The following EPHA6 variants were observed in gnomAD, a reference collection of about 807,000 sequenced individuals.
EPHA6 encodes EPH receptor A6.
Under a neutral mutation model 112.0 loss-of-function variants are expected in EPHA6, and 50 were observed. The observed-to-expected ratio is 0.45, with a 90% CI of 0.36 to 0.56. The LOEUF is 0.56. Ranked by LOEUF, EPHA6 falls within the 20% of genes least tolerant of loss-of-function variation. The pLI is 0.00. For missense variants in EPHA6, 1,280 were observed against 1,417.4 expected (o/e 0.90, Z 1.56); for synonymous variants, 529 against 490.7 (o/e 1.08, Z -1.03).
At chr3:97,707,762 G>T (rs748065786) in intron 14 of EPHA6, among the ~76,000 whole-genome samples, 1 of 152,120 alleles carries the variant, frequency 6.6e-6, no homozygotes. Flanking sequence ...TGGATCATGG[G>T]ACCAGTTTCC....
chr3:97,335,660 T>C (rs2083022091), intron 5 of EPHA6, among the ~76,000 whole-genome samples: 1 of 152,124 alleles, frequency 6.6e-6, no homozygotes, highest in African/African-American at 2.4e-5. Flanking sequence ...ATTCTGTCCA[T>C]AGCAGTGTAA....
At chr3:96,999,497 A>G (rs1244813014) in intron 3 of EPHA6, among the ~76,000 whole-genome samples, 1 of 148,676 alleles carries the variant, frequency 6.7e-6, no homozygotes, top group East Asian at 1.9e-4. Context: ...AGAGTCACAT[A>G]TCATCTCCTA....
At chr3:97,330,116 T>C (rs946392895) in intron 5 of EPHA6, among the ~76,000 whole-genome samples, 7 of 151,946 alleles carry the variant, frequency 4.6e-5, no homozygotes, top group African/African-American at 1.7e-4. Context: ...TTGTCAAAGA[T>C]CAGATGGTTG....
chr3:97,585,831 AAAATTATTT>A lies in EPHA6; in HGVS notation c.2387-6780_2387-6772del, dbSNP rs1296339392. Among the ~76,000 whole-genome samples, 460 of 152,132 alleles carry A rather than the reference AAAATTATTT, an allele frequency of 3.0e-3. 4 individuals are homozygous for A. Among genetic ancestry groups the A allele is most frequent in the African/African-American group, 0.011 (443 of 41,376 alleles). ...CCCTGAAAATAATATTGTCATATCAAAAATTATTTGATTTTCTATTTTTGTATTAAAAAT... is the reference window on the plus strand; with the variant it reads ...CCCTGAAAATAATATTGTCATATCAAGATTTTCTATTTTTGTATTAAAAAT... On this transcript the variant is annotated intron_variant, in intron 11 of 17. Transcript: ENST00000389672.
intron 3 of EPHA6, among the ~76,000 whole-genome samples, chr3:97,058,493 G>T (rs1249294270): frequency 6.6e-6 from 1 of 152,026 alleles, no homozygotes; most frequent in African/African-American, 2.4e-5. Context: ...GTGGAGACGG[G>T]GTTTCACCAT....
intron 2 of EPHA6, among the ~76,000 whole-genome samples, chr3:96,895,910 G>T (rs1453433412): frequency 1.3e-5 from 2 of 152,098 alleles, no homozygotes; most frequent in Non-Finnish European, 2.9e-5. Flanking sequence ...AATTCATTAT[G>T]ATCTTATCTT....
chr3:97,527,849 T>C (rs139683263), intron 10 of EPHA6, among the ~76,000 whole-genome samples: 1 of 152,102 alleles, frequency 6.6e-6, no homozygotes, highest in Non-Finnish European at 1.5e-5. Flanking sequence ...CTTGACCTGA[T>C]CTATTTGATA....
intron 2 of EPHA6, among the ~76,000 whole-genome samples, chr3:96,924,647 C>T (rs1049481678): frequency 1.3e-5 from 2 of 152,056 alleles, no homozygotes; most frequent in African/African-American, 2.4e-5. Flanking sequence ...TGCTTGATTG[C>T]CCTGGCCAGA....
intron 3 of EPHA6, among the ~76,000 whole-genome samples, chr3:97,195,111 G>T (rs2077405337): frequency 6.6e-6 from 1 of 151,788 alleles, no homozygotes; most frequent in Admixed American, 6.6e-5. Context: ...CTGCCATTTT[G>T]TTATTTGTTT....
At chr3:97,062,292 G>A (rs2046046259) in intron 3 of EPHA6, among the ~76,000 whole-genome samples, 1 of 152,018 alleles carries the variant, frequency 6.6e-6, no homozygotes, top group African/African-American at 2.4e-5. Context: ...ATTATAACAG[G>A]ACTTGAGTAA....
At chr3:97,199,690 A>C (rs1335456987) in intron 3 of EPHA6, among the ~76,000 whole-genome samples, 1 of 152,192 alleles carries the variant, frequency 6.6e-6, no homozygotes, top group African/African-American at 2.4e-5. Flanking sequence ...CCAAGCTCTC[A>C]AATTCATTCT....
At chr3:97,230,846 T>C (rs1184630051) in intron 4 of EPHA6, among the ~76,000 whole-genome samples, 1 of 152,108 alleles carries the variant, frequency 6.6e-6, no homozygotes, top group Non-Finnish European at 1.5e-5. Flanking sequence ...GGACAGGATT[T>C]GTTATGTTGA....
rs2091609620 is a variant in EPHA6, at chr3:97,483,338, C to T, written c.2075-596C>T. ...TTTCCATCCTTCCCACCAGGATAGA[C>T]AAGCTGATCCTATTCAGGACTATAT... On this transcript the variant is annotated intron_variant, in intron 9 of 17. Transcript: ENST00000389672. Among the ~76,000 whole-genome samples the T allele has an allele frequency of 2.0e-5, 3 of 152,184 alleles. No homozygotes were observed. In the South Asian group the frequency reaches 6.2e-4, roughly 31 times the overall value.
intron 2 of EPHA6, among the ~76,000 whole-genome samples, chr3:96,930,955 G>T (rs1012240624): frequency 8.6e-5 from 10 of 116,512 alleles, no homozygotes; most frequent in South Asian, 3.0e-4. Context: ...TCACAACATT[G>T]CACTACAGCC....
chr3:97,136,322 A>G (rs1450947203), intron 3 of EPHA6, among the ~76,000 whole-genome samples: 3 of 152,236 alleles, frequency 2.0e-5, no homozygotes, highest in Non-Finnish European at 4.4e-5. Context: ...TTTAAAAAGC[A>G]TGGTAGAGAC....
rs1448711579 is a variant in EPHA6 at position 97,638,183 on chromosome 3, TTTA to T, written c.2784+105_2784+107del. On this transcript the variant is annotated intron_variant, in intron 14 of 17. Coordinates refer to ENST00000389672, the MANE Select transcript of EPHA6 (RefSeq NM_001080448.3). ...CTGCCTTCCTAATTTTCTGCTTGTATTTATTACTTTGCTAATTTGATATCATTA... is the reference window on the plus strand; with the variant it reads ...CTGCCTTCCTAATTTTCTGCTTGTATTTACTTTGCTAATTTGATATCATTA... 6.0e-6 allele frequency: 5 copies of T among 829,626 alleles called. No individual in the cohort carries two copies. The East Asian group carries it at 1.4e-4, about 22-fold the overall frequency. The allele number at this position is 829,626 out of a possible 1,614,324, so 51.4% of individuals were successfully genotyped here.
chr3:96,895,832 C>T lies in EPHA6; in HGVS notation c.450+28943C>T, dbSNP rs138276526. On this transcript the variant is annotated intron_variant, in intron 2 of 17. Coordinates refer to ENST00000389672, the MANE Select transcript of EPHA6 (RefSeq NM_001080448.3). ...CATCTTTACATGTCCATCTTTCCTC[C>T]GTGTATATCTGTGTCTTCACACAGG... 4.9e-3 allele frequency among the ~76,000 whole-genome samples: 751 copies of T among 152,256 alleles called. 5 individuals carry two copies. Among genetic ancestry groups the T allele is most frequent in the African/African-American group, 0.016 (665 of 41,540 alleles).
intron 3 of EPHA6, among the ~76,000 whole-genome samples, chr3:97,080,581 T>C (rs1168799026): frequency 6.6e-6 from 1 of 152,058 alleles, no homozygotes; most frequent in East Asian, 1.9e-4. Context: ...TTACTGTATA[T>C]GAAGAAATAT....
intron 1 of EPHA6, among the ~76,000 whole-genome samples, chr3:96,848,031 C>T (rs72931382): frequency 6.6e-6 from 1 of 152,000 alleles, no homozygotes; most frequent in Non-Finnish European, 1.5e-5. Flanking sequence ...TTCATTCATT[C>T]TACATAGGCT....
Sources: allele counts gnomAD v4.1 joint callset (sites outside exome capture counted in the v4.1 genomes callset), GRCh38; gene constraint gnomAD v4.1.1; transcripts MANE v1.5; gene names NCBI Gene and HGNC (gene_info 2026-07-23, HGNC 2026-07-21).